MCTP1: variants seen among roughly 807,000 people sequenced by gnomAD.
MCTP1 encodes multiple C2 and transmembrane domain-containing protein 1.
MCTP1 carries 69 observed loss-of-function variants against 120.6 expected under a neutral mutation model. The observed-to-expected ratio is 0.57, with a 90% CI of 0.47 to 0.70. The LOEUF is 0.70. Among genes scored for constraint, MCTP1 ranks in the 30% least tolerant of loss-of-function variants. MCTP1 has a pLI of 0.00. For synonymous variants in MCTP1, 529 were observed against 493.1 expected (o/e 1.07, Z -0.96); for missense variants, 1,203 against 1,248.8 (o/e 0.96, Z 0.55).
intron 1 of MCTP1, among the ~76,000 whole-genome samples, chr5:95,176,320 T>A (rs1372874908): frequency 2.0e-5 from 3 of 151,578 alleles, no homozygotes; most frequent in African/African-American, 4.9e-5. Context: ...AGCCGAGGAG[T>A]TCGAGACTAG....
chr5:95,011,780 T>C (rs908618451), intron 2 of MCTP1, among the ~76,000 whole-genome samples: 5 of 152,168 alleles, frequency 3.3e-5, no homozygotes, highest in African/African-American at 1.2e-4. Flanking sequence ...TAATTGTTTA[T>C]AACAGTGTGA....
At position 95,027,127 on chromosome 5, in the gene MCTP1, A is replaced by G. The variant is rs112528485; in HGVS notation, c.721-9643T>C. Among the ~76,000 whole-genome samples, 434 of 152,342 alleles carry G rather than the reference A, an allele frequency of 2.8e-3. 1 individual carries two copies. Among genetic ancestry groups the G allele is most frequent in the African/African-American group, 0.01 (418 of 41,590 alleles). On this transcript the variant is annotated intron_variant, in intron 1 of 22. Transcript: ENST00000515393. Reference sequence around the variant, plus strand: ...CTCAAGTATCTGTCAAGGAAACACTATGATTATCTGGAAGTCAATTGATTA... The same window carrying G: ...CTCAAGTATCTGTCAAGGAAACACTGTGATTATCTGGAAGTCAATTGATTA...
At chr5:95,235,999 A>C (rs1398645355) in intron 1 of MCTP1, among the ~76,000 whole-genome samples, 4 of 152,228 alleles carry the variant, frequency 2.6e-5, no homozygotes, top group Non-Finnish European at 5.9e-5. Flanking sequence ...ATTTATGGAA[A>C]GTGGTGCCCA....
Position 94,889,042 on chromosome 5 carries a change from C to G in MCTP1, c.1840-70G>C, listed in dbSNP as rs1035902206. On this transcript the variant is annotated intron_variant, in intron 11 of 22. Transcript: ENST00000515393. ...AGTCTTAAAGAGTGTGCTGAGAAAA[C>G]ATTACATTTTTTAGTTTATCTTCAG... is the stretch of plus-strand genomic sequence containing the variant. The G allele has an allele frequency of 1.4e-5, 14 of 1,021,484 alleles. No individual in the cohort carries two copies. The Middle Eastern group carries it at 6.6e-4, about 48-fold the overall frequency. 63.3% of individuals were successfully genotyped at this position (1,021,484 alleles called of 1,614,324 possible).
At chr5:95,098,168 C>T (rs540887824) in intron 1 of MCTP1, among the ~76,000 whole-genome samples, 1 of 152,106 alleles carries the variant, frequency 6.6e-6, no homozygotes, top group African/African-American at 2.4e-5. Context: ...AACCCTAGAT[C>T]CTGAGACTGA....
At chr5:94,798,751 T>G (rs2153017492) in intron 18 of MCTP1, among the ~76,000 whole-genome samples, 1 of 152,332 alleles carries the variant, frequency 6.6e-6, no homozygotes, top group South Asian at 2.1e-4. Flanking sequence ...AGCACCCATT[T>G]ATGATTGAAA....
chr5:95,011,056 G>T (rs1028052190), intron 2 of MCTP1, among the ~76,000 whole-genome samples: 3 of 152,138 alleles, frequency 2.0e-5, no homozygotes, highest in African/African-American at 7.2e-5. Flanking sequence ...ATGTCTGCAT[G>T]TCTTCTCAGT....
At chr5:94,760,762 G>T (rs1248381113) in intron 19 of MCTP1, among the ~76,000 whole-genome samples, 1 of 151,308 alleles carries the variant, frequency 6.6e-6, no homozygotes, top group African/African-American at 2.4e-5. Context: ...ACAGCTCGCT[G>T]CAGCCTTGAG....
At chr5:95,126,543 G>C (rs1758648875) in intron 1 of MCTP1, among the ~76,000 whole-genome samples, 1 of 152,070 alleles carries the variant, frequency 6.6e-6, no homozygotes, top group South Asian at 2.1e-4. Flanking sequence ...AGTTTTTTTA[G>C]ACGTATAAAC....
chr5:95,222,707 T>A (rs1282953872), intron 1 of MCTP1, among the ~76,000 whole-genome samples: 2 of 152,256 alleles, frequency 1.3e-5, no homozygotes, highest in East Asian at 1.9e-4. Flanking sequence ...CAGGCCTTAC[T>A]TTTTTAAAGA....
chr5:95,145,601 GA>G (rs2152448420), intron 1 of MCTP1, among the ~76,000 whole-genome samples: 2 of 152,206 alleles, frequency 1.3e-5, no homozygotes, highest in South Asian at 4.1e-4. Flanking sequence ...TTTTGAACAT[GA>G]AGGGATATCA....
At chr5:95,003,327 T>C (rs1358448959) in intron 2 of MCTP1, among the ~76,000 whole-genome samples, 2 of 152,226 alleles carry the variant, frequency 1.3e-5, no homozygotes, top group African/African-American at 2.4e-5. Context: ...TGTGTTACAA[T>C]TGCCTACAGT....
At chr5:94,743,530 T>G (rs1297079887) in intron 19 of MCTP1, among the ~76,000 whole-genome samples, 1 of 151,842 alleles carries the variant, frequency 6.6e-6, no homozygotes, top group Non-Finnish European at 1.5e-5. Context: ...GGTGAGAGCA[T>G]GGGGCCCATG....
intron 12 of MCTP1, among the ~76,000 whole-genome samples, chr5:94,880,069 A>G (rs972893163): frequency 2.0e-5 from 3 of 152,104 alleles, no homozygotes; most frequent in Non-Finnish European, 2.9e-5. Context: ...AGACTATGGG[A>G]CCTATAAAAT....
chr5:95,142,741 T>C (rs1760043937), intron 1 of MCTP1, among the ~76,000 whole-genome samples: 1 of 152,184 alleles, frequency 6.6e-6, no homozygotes, highest in South Asian at 2.1e-4. Flanking sequence ...CACCGGCCTC[T>C]GACCAACAAT....
chr5:94,800,428 C>T (rs76970811), intron 17 of MCTP1, among the ~76,000 whole-genome samples: 6 of 152,090 alleles, frequency 3.9e-5, no homozygotes, highest in Admixed American at 6.5e-5. Flanking sequence ...TAAGGACACC[C>T]GTCTCAGGCA....
chr5:94,895,819 A>G (rs1803843440), intron 10 of MCTP1, among the ~76,000 whole-genome samples: 2 of 152,324 alleles, frequency 1.3e-5, no homozygotes, highest in Admixed American at 6.5e-5. Context: ...CAATATTTCA[A>G]TAGGCCTTTT....
intron 17 of MCTP1, among the ~76,000 whole-genome samples, chr5:94,841,331 A>C (rs560791576): frequency 7.2e-5 from 11 of 152,354 alleles, no homozygotes; most frequent in African/African-American, 2.2e-4. Flanking sequence ...AATCATGAAG[A>C]TTGGCATTTC....
intron 1 of MCTP1, among the ~76,000 whole-genome samples, chr5:95,083,988 T>C (rs1413403125): frequency 1.3e-5 from 2 of 152,302 alleles, no homozygotes; most frequent in South Asian, 4.1e-4. Context: ...AGAAATAACA[T>C]ATTGCAGAAA....
Sources: allele counts gnomAD v4.1 joint callset (sites outside exome capture counted in the v4.1 genomes callset), GRCh38; gene constraint gnomAD v4.1.1; transcripts MANE v1.5; gene names NCBI Gene and HGNC (gene_info 2026-07-23, HGNC 2026-07-21).